Variants in RARB observed in about 807,000 individuals in gnomAD.
The protein encoded by RARB is retinoic acid receptor beta.
In RARB, 17 loss-of-function variants were observed where a neutral mutation model predicts 51.9. That is an observed-to-expected ratio of 0.33 (90% CI 0.22 to 0.49). The LOEUF is 0.49. Among genes scored for constraint, RARB ranks in the 20% least tolerant of loss-of-function variants. The pLI is 0.99. For missense variants in RARB, 369 were observed against 550.8 expected (o/e 0.67, Z 3.30); for synonymous variants, 215 against 195.4 (o/e 1.10, Z -0.84).
intron 5 of RARB, among the ~76,000 whole-genome samples, chr3:25,187,065 T>C (rs968994748): frequency 1.3e-5 from 2 of 152,048 alleles, no homozygotes; most frequent in African/African-American, 4.8e-5. Flanking sequence ...GATTCTTGTC[T>C]GTGTCCATGC....
At position 25,446,899 on chromosome 3, in the gene RARB, G is replaced by A. The variant is rs78398876; in HGVS notation, c.158-14294G>A. 8.3e-3 allele frequency among the ~76,000 whole-genome samples: 1,247 copies of A among 150,850 alleles called. 20 individuals carry two copies. Among genetic ancestry groups the A allele is most frequent in the African/African-American group, 0.029 (1,172 of 40,982 alleles). On this transcript the variant is annotated intron_variant, in intron 1 of 7. Coordinates refer to ENST00000330688, the MANE Select transcript of RARB (RefSeq NM_000965.5). ...GGTTTCTCATTTATACTAATCTTGC[G>A]TGTGGATTCAGGGGATGAACTCACT...
intron 5 of RARB, among the ~76,000 whole-genome samples, chr3:25,189,254 G>C (rs149227047): frequency 6.6e-6 from 1 of 152,112 alleles, no homozygotes; most frequent in South Asian, 2.1e-4. Context: ...CAGGTACATC[G>C]CTCTCTGACA....
At position 24,877,664 on chromosome 3, in the gene RARB, A is replaced by G. The variant is rs1412113473; in HGVS notation, c.-380+18912A>G. On this transcript the variant is annotated intron_variant, in intron 2 of 11. Transcript: ENST00000383772. ...CTGAAGAGGGAGACCTCCAAGTCTG[A>G]TCTTCCACTGATCTTTGATAACAAT... is the stretch of plus-strand genomic sequence containing the variant. Among the ~76,000 whole-genome samples, 4 of 152,242 alleles carry G rather than the reference A, an allele frequency of 2.6e-5. No individual in the cohort carries two copies. The East Asian group carries it at 7.7e-4, about 29-fold the overall frequency.
chr3:25,360,110 A>C (rs1297999266), intron 5 of RARB, among the ~76,000 whole-genome samples: 1 of 152,288 alleles, frequency 6.6e-6, no homozygotes, highest in South Asian at 2.1e-4. Context: ...GTGGGAGTCT[A>C]AGTCTCTTTG....
At chr3:25,457,922 A>G (rs1191850545) in intron 1 of RARB, among the ~76,000 whole-genome samples, 1 of 152,136 alleles carries the variant, frequency 6.6e-6, no homozygotes, top group Non-Finnish European at 1.5e-5. Flanking sequence ...GATTGATCAT[A>G]GTGGTGATGA....
intron 1 of RARB, among the ~76,000 whole-genome samples, chr3:25,440,396 G>A (rs1036225787): frequency 2.3e-4 from 35 of 151,572 alleles, no homozygotes; most frequent in African/African-American, 5.8e-4. Flanking sequence ...GCAGTGAGCC[G>A]GGATTGCACC....
chr3:24,851,911 C>A (rs1201419495), intron 1 of RARB, among the ~76,000 whole-genome samples: 3 of 152,158 alleles, frequency 2.0e-5, no homozygotes, highest in Non-Finnish European at 4.4e-5. Flanking sequence ...ATTGTTTATT[C>A]CTCTTTTTAA....
chr3:25,432,643 A>T (rs1187712574), intron 1 of RARB, among the ~76,000 whole-genome samples: 1 of 152,208 alleles, frequency 6.6e-6, no homozygotes, highest in Non-Finnish European at 1.5e-5. Context: ...AGATGTTTAT[A>T]ATTTACCTTC....
chr3:25,292,455 C>T (rs911205543), intron 5 of RARB, among the ~76,000 whole-genome samples: 3 of 152,098 alleles, frequency 2.0e-5, no homozygotes, highest in Non-Finnish European at 4.4e-5. Flanking sequence ...AATGCTATGC[C>T]CCGTCTTCCT....
chr3:25,384,324 C>T (rs1217305183), intron 5 of RARB, among the ~76,000 whole-genome samples: 1 of 152,192 alleles, frequency 6.6e-6, no homozygotes, highest in Non-Finnish European at 1.5e-5. Context: ...CTCCCTCTCT[C>T]CTAAGAGCAA....
intron 3 of RARB, among the ~76,000 whole-genome samples, chr3:25,120,214 G>A (rs1699760781): frequency 6.6e-6 from 1 of 152,130 alleles, no homozygotes; most frequent in Non-Finnish European, 1.5e-5. Flanking sequence ...GCTGGCAGAT[G>A]AAAGACGATA....
At chr3:25,037,537 G>C (rs1436589234) in intron 2 of RARB, among the ~76,000 whole-genome samples, 5 of 152,214 alleles carry the variant, frequency 3.3e-5, no homozygotes, top group African/African-American at 1.2e-4. Flanking sequence ...GATTGACCTA[G>C]GAGAGTGAAA....
chr3:24,887,013 C>T (rs1703280357), intron 2 of RARB, among the ~76,000 whole-genome samples: 1 of 152,210 alleles, frequency 6.6e-6, no homozygotes, highest in Non-Finnish European at 1.5e-5. Flanking sequence ...CAGATAAGAA[C>T]CATAGACTTA....
chr3:24,840,092 A>T (rs888138819), intron 1 of RARB, among the ~76,000 whole-genome samples: 1 of 152,146 alleles, frequency 6.6e-6, no homozygotes, highest in Non-Finnish European at 1.5e-5. Flanking sequence ...AGGTTTTCTC[A>T]CCTGCAGAAT....
At chr3:25,388,543 C>T (rs1413394787) in intron 5 of RARB, among the ~76,000 whole-genome samples, 1 of 152,166 alleles carries the variant, frequency 6.6e-6, no homozygotes, top group Non-Finnish European at 1.5e-5. Flanking sequence ...ATTTGAAAAA[C>T]TGTTTTCAAC....
intron 2 of RARB, among the ~76,000 whole-genome samples, chr3:24,946,034 G>A (rs933209729): frequency 5.9e-5 from 9 of 152,136 alleles, no homozygotes; most frequent in Admixed American, 5.9e-4. Flanking sequence ...GGGAGGCCGA[G>A]GCAGGCAGAT....
intron 2 of RARB, among the ~76,000 whole-genome samples, chr3:24,935,963 T>C (rs2125396671): frequency 1.3e-5 from 2 of 152,258 alleles, no homozygotes; most frequent in Admixed American, 1.3e-4. Flanking sequence ...CATGATATGT[T>C]AGGAAAATGT....
At chr3:25,010,626 A>T (rs1276275413) in intron 2 of RARB, among the ~76,000 whole-genome samples, 7 of 152,034 alleles carry the variant, frequency 4.6e-5, no homozygotes, top group Non-Finnish European at 5.9e-5. Context: ...TTCCACATTC[A>T]TTACCTCATT....
In RARB at chr3:24,881,845, G is replaced by A. The variant is rs374355916; in HGVS notation, c.-380+23093G>A. ...AATCAAATTGATCATTTTTTGAACT[G>A]TTTGATTTGAGGAGAGTTGTACTTC... On this transcript the variant is annotated intron_variant, in intron 2 of 11. Coordinates refer to the RARB transcript ENST00000383772. 3.9e-5 allele frequency among the ~76,000 whole-genome samples: 6 copies of A among 152,224 alleles called. No individual in the cohort carries two copies. In the South Asian group the frequency reaches 8.3e-4, roughly 21 times the overall value.
Sources: allele counts gnomAD v4.1 joint callset (sites outside exome capture counted in the v4.1 genomes callset), GRCh38; gene constraint gnomAD v4.1.1; transcripts MANE v1.5; gene names NCBI Gene and HGNC (gene_info 2026-07-23, HGNC 2026-07-21).